Variants in PRKCI observed in about 807,000 individuals in gnomAD.
PRKCI encodes protein kinase C iota type.
In PRKCI, 43 loss-of-function variants were observed where a neutral mutation model predicts 84.0. That is an observed-to-expected ratio of 0.51 (90% confidence interval 0.40 to 0.66). PRKCI has a LOEUF of 0.66. PRKCI is among the 30% of genes least tolerant of loss of function. The pLI is 0.00. For synonymous variants in PRKCI, 216 were observed against 234.4 expected (o/e 0.92, Z 0.72); for missense variants, 459 against 745.6 (o/e 0.62, Z 4.48).
chr3:170,223,648 G>A (rs1024852047), intron 1 of PRKCI, among the ~76,000 whole-genome samples: 1 of 152,214 alleles, frequency 6.6e-6, no homozygotes, highest in Non-Finnish European at 1.5e-5. Flanking sequence ...ATGTTTAGGA[G>A]CATTAGAAAC....
At chr3:170,284,819 A>G (rs1734332580) in intron 12 of PRKCI, among the ~76,000 whole-genome samples, 1 of 152,160 alleles carries the variant, frequency 6.6e-6, no homozygotes, top group African/African-American at 2.4e-5. Flanking sequence ...TCTTTTTATT[A>G]TACATAACTT....
At position 170,222,439 on chromosome 3, in the gene PRKCI, T is replaced by C; in HGVS notation, c.-231T>C. 2.2e-6 allele frequency: 1 copy of C among 448,750 alleles called. No homozygotes were observed. Among genetic ancestry groups the C allele is most frequent in the Non-Finnish European group, 3.9e-6 (1 of 258,148 alleles). 27.8% of individuals were successfully genotyped at this position (448,750 alleles called of 1,614,324 possible). A position where few individuals can be genotyped will look rare whatever the true frequency, so the allele number is the denominator to read the frequency against. On this transcript the variant is annotated 5_prime_UTR_variant, in exon 1 of 18. Coordinates refer to ENST00000295797, the MANE Select transcript of PRKCI (RefSeq NM_002740.6). The stretch of plus-strand genomic sequence containing the variant: ...GGGAGGGACCGACGCAGGAGGTGTC[T>C]TGGGCCCGGGCGGCTGTAGAGGCGG...
chr3:170,247,907 A>G (rs1733331348), intron 2 of PRKCI, among the ~76,000 whole-genome samples: 1 of 152,174 alleles, frequency 6.6e-6, no homozygotes, highest in Admixed American at 6.5e-5. Flanking sequence ...AAATTATGGC[A>G]TCCTTGGAAA....
intron 2 of PRKCI, 97 bp from the exon 3 acceptor site, chr3:170,259,872 A>G (rs1219236487): frequency 8.9e-6 from 5 of 564,656 alleles, no homozygotes; most frequent in Non-Finnish European, 1.2e-5. Context: ...TAAATATGAG[A>G]TTATTTTTTC....
At chr3:170,299,696 C>G (rs1000912073) in intron 17 of PRKCI, among the ~76,000 whole-genome samples, 1 of 152,082 alleles carries the variant, frequency 6.6e-6, no homozygotes, top group Non-Finnish European at 1.5e-5. Context: ...ATGAGGAAAC[C>G]AAGGCTCAGA....
intron 13 of PRKCI, among the ~76,000 whole-genome samples, chr3:170,292,834 A>G (rs1471361437): frequency 6.6e-6 from 1 of 151,948 alleles, no homozygotes; most frequent in African/African-American, 2.4e-5. Context: ...GAGGTCAGGA[A>G]ATCGAGACCA....
At chr3:170,231,726 A>G (rs1732799409) in intron 1 of PRKCI, among the ~76,000 whole-genome samples, 1 of 152,124 alleles carries the variant, frequency 6.6e-6, no homozygotes, top group East Asian at 1.9e-4. Context: ...TGGCCTCCCA[A>G]AGTGCTAGGA....
At chr3:170,262,394 T>G (rs988466412) in intron 3 of PRKCI, among the ~76,000 whole-genome samples, 14 of 151,936 alleles carry the variant, frequency 9.2e-5, no homozygotes, top group African/African-American at 3.4e-4. Context: ...AATGATTTCT[T>G]TAAGGATAAG....
In PRKCI at chr3:170,299,506, C is replaced by T. The variant is rs545198336; in HGVS notation, c.1703+396C>T. Among the ~76,000 whole-genome samples, 9 of 152,322 alleles carry T rather than the reference C, an allele frequency of 5.9e-5. No homozygotes were observed. In the South Asian group the frequency reaches 1.7e-3, roughly 28 times the overall value. ...CCTCTTAAAGTGCTGGGATTACAGG[C>T]GTGAGCCACTGTGCCCGGCCTATAC... On this transcript the variant is annotated intron_variant, in intron 17 of 17. Coordinates refer to ENST00000295797, the MANE Select transcript of PRKCI (RefSeq NM_002740.6).
intron 2 of PRKCI, among the ~76,000 whole-genome samples, chr3:170,241,191 A>G (rs562441347): frequency 6.6e-6 from 1 of 152,306 alleles, no homozygotes; most frequent in Non-Finnish European, 1.5e-5. Flanking sequence ...CTTTGTGGTG[A>G]GGACATTTAA....
At chr3:170,302,006 C>T (rs1734832661) in intron 17 of PRKCI, among the ~76,000 whole-genome samples, 1 of 152,174 alleles carries the variant, frequency 6.6e-6, no homozygotes, top group Non-Finnish European at 1.5e-5. Flanking sequence ...GTATTATTGT[C>T]TCTGCTTCTG....
chr3:170,277,993 A>G (rs1303530222), intron 8 of PRKCI, among the ~76,000 whole-genome samples: 2 of 152,172 alleles, frequency 1.3e-5, no homozygotes, highest in African/African-American at 2.4e-5. Context: ...GTGAGCACCT[A>G]GTAGTGATGG....
chr3:170,281,138 C>T, intron 9 of PRKCI, 28 bp from the exon 10 acceptor site: 1 of 1,568,114 alleles, frequency 6.4e-7, no homozygotes, highest in Non-Finnish European at 8.8e-7. Context: ...ATCAGTTTGA[C>T]ATAGATTTCT....
chr3:170,304,264 A>C lies in PRKCI; in HGVS notation c.*1137A>C, dbSNP rs1442063207. The C allele has an allele frequency of 6.6e-6, 1 of 152,162 alleles. No homozygotes were observed. The highest frequency in any genetic ancestry group is 1.5e-5 in the Non-Finnish European group (1 of 68,030). 9.4% of individuals were successfully genotyped at this position (152,162 alleles called of 1,614,324 possible). A position where few individuals can be genotyped will look rare whatever the true frequency, so the allele number is the denominator to read the frequency against. ...ATTTAAAATAGATACAGAAAAGTAC[A>C]CTGGTAATATTTTTATTTCCTATTG... On this transcript the variant is annotated 3_prime_UTR_variant, in exon 18 of 18. Coordinates refer to ENST00000295797, the MANE Select transcript of PRKCI (RefSeq NM_002740.6).
chr3:170,282,793 A>G (rs982718829), intron 11 of PRKCI, among the ~76,000 whole-genome samples: 9 of 151,226 alleles, frequency 6.0e-5, no homozygotes, highest in Admixed American at 1.3e-4. Flanking sequence ...CTCTAATCCC[A>G]TAATTATTGA....
At chr3:170,274,969 T>G (rs1734078429) in intron 7 of PRKCI, among the ~76,000 whole-genome samples, 1 of 152,198 alleles carries the variant, frequency 6.6e-6, no homozygotes, top group Admixed American at 6.5e-5. Flanking sequence ...AAGTACTTGT[T>G]AAAAGCAGTA....
intron 6 of PRKCI, among the ~76,000 whole-genome samples, chr3:170,270,898 G>C (rs1185053368): frequency 6.6e-6 from 1 of 151,978 alleles, no homozygotes; most frequent in Admixed American, 6.6e-5. Flanking sequence ...CATTATTCTA[G>C]CTTCTATCCT....
chr3:170,271,476 T>C (rs994120346), intron 6 of PRKCI, among the ~76,000 whole-genome samples: 3 of 152,250 alleles, frequency 2.0e-5, no homozygotes, highest in Non-Finnish European at 1.5e-5. Context: ...TTTGTTTTTA[T>C]AGTTTTCATT....
At chr3:170,251,869 C>T (rs1464915566) in intron 2 of PRKCI, among the ~76,000 whole-genome samples, 3 of 150,726 alleles carry the variant, frequency 2.0e-5, no homozygotes, top group African/African-American at 7.3e-5. Context: ...GAGATCACGC[C>T]ACTGCACTCC....
Sources: allele counts gnomAD v4.1 joint callset (sites outside exome capture counted in the v4.1 genomes callset), GRCh38; gene constraint gnomAD v4.1.1; transcripts MANE v1.5; gene names NCBI Gene and HGNC (gene_info 2026-07-23, HGNC 2026-07-21).